Variants in FOXP1 observed in about 807,000 individuals in gnomAD.
The protein encoded by FOXP1 is forkhead box protein P1.
In FOXP1, 15 loss-of-function variants were observed where a neutral mutation model predicts 98.2. That is an observed-to-expected ratio of 0.15 (90% CI 0.10 to 0.24). The LOEUF (loss-of-function observed/expected upper bound fraction) is 0.24. FOXP1 is among the 10% of genes least tolerant of loss of function. FOXP1 has a pLI of 1.00. For synonymous variants in FOXP1, 371 were observed against 314.5 expected (o/e 1.18, Z -1.90); for missense variants, 633 against 848.5 (o/e 0.75, Z 3.15).
At chr3:71,355,920 T>TG (rs2078122647) in intron 4 of FOXP1, among the ~76,000 whole-genome samples, 1 of 152,126 alleles carries the variant, frequency 6.6e-6, no homozygotes, top group African/African-American at 2.4e-5. Flanking sequence ...AGTCACCAAC[T>TG]GGGTCATCCA....
intron 3 of FOXP1, among the ~76,000 whole-genome samples, chr3:71,424,538 T>C (rs563682966): frequency 1.3e-5 from 2 of 152,216 alleles, no homozygotes; most frequent in South Asian, 4.1e-4. Context: ...GGTGGTTCTG[T>C]AAGAACACTG....
chr3:70,981,679 G>GAGC (rs763319788), intron 14 of FOXP1, among the ~76,000 whole-genome samples: 3 of 152,238 alleles, frequency 2.0e-5, no homozygotes, highest in Non-Finnish European at 4.4e-5. Context: ...GGGTGGCTGA[G>GAGC]AGCAGCTGTG....
chr3:71,553,842 A>G (rs906903874), intron 2 of FOXP1, among the ~76,000 whole-genome samples: 1 of 152,220 alleles, frequency 6.6e-6, no homozygotes, highest in Non-Finnish European at 1.5e-5. Flanking sequence ...CTCAAAACAG[A>G]AACTTTGTAG....
intron 11 of FOXP1, among the ~76,000 whole-genome samples, chr3:71,032,152 G>A (rs2046955518): frequency 6.6e-6 from 1 of 152,226 alleles, no homozygotes; most frequent in Admixed American, 6.5e-5. Context: ...CAGCCCCGAT[G>A]CCTTCCTGTG....
chr3:71,396,577 T>C (rs1415630673), intron 3 of FOXP1, among the ~76,000 whole-genome samples: 1 of 152,036 alleles, frequency 6.6e-6, no homozygotes, highest in Non-Finnish European at 1.5e-5. Context: ...AAAGGAGCCA[T>C]GGTCAGCTAA....
chr3:71,508,370 C>G (rs1446682092), intron 2 of FOXP1, among the ~76,000 whole-genome samples: 1 of 152,194 alleles, frequency 6.6e-6, no homozygotes, highest in Non-Finnish European at 1.5e-5. Flanking sequence ...CACCATCTTT[C>G]CCTCACTGTG....
At chr3:71,129,556 T>C (rs1261254599) in intron 6 of FOXP1, among the ~76,000 whole-genome samples, 1 of 152,286 alleles carries the variant, frequency 6.6e-6, no homozygotes, top group East Asian at 1.9e-4. Context: ...TTATTTTCCA[T>C]TTCCTGTCTA....
At chr3:71,006,431 A>C (rs17747268) in intron 12 of FOXP1, among the ~76,000 whole-genome samples, 3,054 of 152,194 alleles carry the variant, frequency 0.02, 41 homozygotes, top group South Asian at 0.033. Flanking sequence ...TTTTTCCCTA[A>C]AGAGACAGCT....
intron 3 of FOXP1, among the ~76,000 whole-genome samples, chr3:71,417,676 G>T (rs1240783569): frequency 6.6e-6 from 1 of 151,978 alleles, no homozygotes; most frequent in African/African-American, 2.4e-5. Context: ...AAAAGGTTGG[G>T]AAACAGTTAA....
At chr3:71,007,813 T>C (rs1342349014) in intron 12 of FOXP1, among the ~76,000 whole-genome samples, 1 of 152,152 alleles carries the variant, frequency 6.6e-6, no homozygotes, top group Non-Finnish European at 1.5e-5. Flanking sequence ...AAAAGCAAGT[T>C]ACCAATGAAA....
intron 6 of FOXP1, among the ~76,000 whole-genome samples, chr3:71,140,995 G>A (rs905042984): frequency 2.0e-5 from 3 of 151,706 alleles, no homozygotes; most frequent in Admixed American, 6.6e-5. Context: ...CAGGCTGGGC[G>A]TGGTGGTTCA....
intron 4 of FOXP1, among the ~76,000 whole-genome samples, chr3:71,357,772 GA>G (rs1216496366): frequency 3.9e-5 from 6 of 152,204 alleles, no homozygotes; most frequent in Admixed American, 3.9e-4. Flanking sequence ...GAAGATGAAG[GA>G]ACGCACTTGA....
intron 4 of FOXP1, chr3:71,333,105 G>A (rs2076442917): frequency 6.6e-6 from 1 of 152,076 alleles, no homozygotes; most frequent in African/African-American, 2.4e-5. Flanking sequence ...TTCTAGCATA[G>A]GACTCCACAC....
intron 10 of FOXP1, 27 bp from the exon 11 acceptor site, chr3:71,041,559 AT>A (rs1306168088): frequency 6.3e-7 from 1 of 1,591,894 alleles, no homozygotes; most frequent in South Asian, 1.1e-5. Flanking sequence ...GGATAATTAA[AT>A]CAATTAACAG....
chr3:71,169,617 C>T (rs1210428291), intron 6 of FOXP1, among the ~76,000 whole-genome samples: 2 of 151,912 alleles, frequency 1.3e-5, no homozygotes, highest in Non-Finnish European at 2.9e-5. Context: ...CCACCGCCCC[C>T]CGCAAATGTA....
intron 3 of FOXP1, among the ~76,000 whole-genome samples, chr3:71,426,424 T>G (rs1490097744): frequency 1.1e-4 from 17 of 151,974 alleles, no homozygotes; most frequent in Admixed American, 9.8e-4. Flanking sequence ...TTCAAAAGAT[T>G]TAGTATTAGG....
intron 2 of FOXP1, chr3:71,581,094 A>T (rs768474498): frequency 6.9e-5 from 67 of 968,490 alleles, no homozygotes; most frequent in Non-Finnish European, 7.5e-5. Flanking sequence ...AGGAAGAAAT[A>T]AGTTTCATTT....
chr3:71,207,682 A>G (rs909401875), intron 5 of FOXP1, among the ~76,000 whole-genome samples: 6 of 152,130 alleles, frequency 3.9e-5, no homozygotes, highest in Admixed American at 6.5e-5. Flanking sequence ...ATGCTAGGAG[A>G]GCATACCTCA....
chr3:71,363,966 C>T (rs1479811878), intron 3 of FOXP1, among the ~76,000 whole-genome samples: 1 of 152,150 alleles, frequency 6.6e-6, no homozygotes, highest in Admixed American at 6.5e-5. Context: ...GGATGGAATT[C>T]GCCTGGGTCC....
Sources: gnomAD v4.1 joint callset for allele counts (sites outside exome capture counted in the v4.1 genomes callset) on GRCh38, gnomAD v4.1.1 for gene constraint, MANE v1.5 for transcripts, NCBI Gene and HGNC (gene_info 2026-07-23, HGNC 2026-07-21) for gene names.